The following ANO3 variants were observed in gnomAD, a reference collection of about 807,000 sequenced individuals.
ANO3 encodes anoctamin-3.
ANO3 carries 99 observed loss-of-function variants against 144.8 expected under a neutral mutation model. That is an observed-to-expected ratio of 0.68 (90% confidence interval 0.58 to 0.81). ANO3 has a LOEUF of 0.81. ANO3 is among the 30% of genes least tolerant of loss of function. The pLI is 0.00. For synonymous variants in ANO3, 414 were observed against 392.6 expected (o/e 1.05, Z -0.64); for missense variants, 905 against 1,202.2 (o/e 0.75, Z 3.66).
At chr11:26,387,166 G>T (rs1856757995) in intron 1 of ANO3, among the ~76,000 whole-genome samples, 2 of 142,642 alleles carry the variant, frequency 1.4e-5, no homozygotes, top group South Asian at 4.4e-4. Flanking sequence ...TAGAGACAGG[G>T]TTTCACCATG....
intron 1 of ANO3, chr11:26,208,045 G>A (rs1851846307): frequency 6.6e-6 from 1 of 152,150 alleles, no homozygotes; most frequent in South Asian, 2.1e-4. Flanking sequence ...CTTATTCATA[G>A]ATGACCCTTC....
intron 1 of ANO3, among the ~76,000 whole-genome samples, chr11:26,302,480 TGA>T (rs1204845302): frequency 6.6e-6 from 1 of 152,006 alleles, no homozygotes; most frequent in African/African-American, 2.4e-5. Flanking sequence ...GGCAACAGAG[TGA>T]GACTCTGTCT....
chr11:26,407,077 T>TATATATA (rs1857308178), intron 1 of ANO3, among the ~76,000 whole-genome samples: 2 of 101,780 alleles, frequency 2.0e-5, no homozygotes, highest in Admixed American at 2.1e-4. Context: ...TGTGTGTGTG[T>TATATATA]ATATATATAT....
At chr11:26,215,422 G>A (rs1448314748) in intron 1 of ANO3, among the ~76,000 whole-genome samples, 1 of 151,910 alleles carries the variant, frequency 6.6e-6, no homozygotes, top group Non-Finnish European at 1.5e-5. Context: ...TGGCTCCGTT[G>A]TCCCTTTGAA....
At chr11:26,307,909 C>T (rs1179398566), upstream of ANO3, among the ~76,000 whole-genome samples, 1 of 151,968 alleles carries the variant, frequency 6.6e-6, no homozygotes, top group African/African-American at 2.4e-5. Context: ...TTTTCCTCTC[C>T]TTCATCTCAC....
intron 1 of ANO3, among the ~76,000 whole-genome samples, chr11:26,284,936 A>G (rs1032692617): frequency 2.0e-5 from 3 of 152,114 alleles, no homozygotes; most frequent in Admixed American, 6.5e-5. Context: ...TATTTTGAAT[A>G]CTCATCTTTC....
chr11:26,310,115 G>A (rs1453578905), intron 1 of ANO3, among the ~76,000 whole-genome samples: 1 of 151,920 alleles, frequency 6.6e-6, no homozygotes, highest in East Asian at 1.9e-4. Flanking sequence ...TTTTAAAAAA[G>A]GTAATGTAGA....
chr11:26,496,273 A>G (rs1860936299), intron 4 of ANO3, among the ~76,000 whole-genome samples: 1 of 152,194 alleles, frequency 6.6e-6, no homozygotes, highest in South Asian at 2.1e-4. Flanking sequence ...GAGTATCTTA[A>G]TATTTCAAGA....
At chr11:26,484,605 G>A (rs1282767197) in intron 4 of ANO3, among the ~76,000 whole-genome samples, 1 of 152,192 alleles carries the variant, frequency 6.6e-6, no homozygotes, top group Non-Finnish European at 1.5e-5. Context: ...TGTGGGGTTG[G>A]AGCCCCCACA....
At chr11:26,436,062 G>A (rs1313724970) in intron 1 of ANO3, among the ~76,000 whole-genome samples, 2 of 152,182 alleles carry the variant, frequency 1.3e-5, no homozygotes, top group Non-Finnish European at 2.9e-5. Flanking sequence ...CAATGGTCAT[G>A]TGGGGGCAGG....
intron 14 of ANO3, among the ~76,000 whole-genome samples, chr11:26,561,498 C>G (rs969919935): frequency 1.3e-5 from 2 of 151,922 alleles, no homozygotes; most frequent in East Asian, 3.9e-4. Flanking sequence ...TATATCAATA[C>G]CTTGCATAAA....
intron 1 of ANO3, among the ~76,000 whole-genome samples, chr11:26,397,741 T>C (rs983920843): frequency 6.6e-6 from 1 of 152,032 alleles, no homozygotes; most frequent in Non-Finnish European, 1.5e-5. Context: ...AACTGCAAAA[T>C]ATAAAAATGC....
At chr11:26,622,239 C>G (rs1242558879) in intron 17 of ANO3, among the ~76,000 whole-genome samples, 1 of 151,944 alleles carries the variant, frequency 6.6e-6, no homozygotes, top group Non-Finnish European at 1.5e-5. Context: ...GTTATTGTAA[C>G]CCCCCTAATG....
At chr11:26,221,342 C>T (rs1852139659) in intron 1 of ANO3, among the ~76,000 whole-genome samples, 1 of 152,106 alleles carries the variant, frequency 6.6e-6, no homozygotes, top group Non-Finnish European at 1.5e-5. Flanking sequence ...AAGGAAGTCT[C>T]GTATAAATTA....
chr11:26,638,005 C>G (rs1853019378), intron 20 of ANO3, among the ~76,000 whole-genome samples: 1 of 152,082 alleles, frequency 6.6e-6, no homozygotes, highest in Non-Finnish European at 1.5e-5. Flanking sequence ...GTATGGGTCT[C>G]TAATACTAAC....
intron 22 of ANO3, among the ~76,000 whole-genome samples, chr11:26,642,454 C>A (rs1207431514): frequency 6.9e-6 from 1 of 145,814 alleles, no homozygotes; most frequent in African/African-American, 2.5e-5. Flanking sequence ...TGGGTTCAAG[C>A]GATTCTCCTA....
At chr11:26,545,367 C>T (rs1590499949) in intron 11 of ANO3, among the ~76,000 whole-genome samples, 1 of 152,042 alleles carries the variant, frequency 6.6e-6, no homozygotes, top group Non-Finnish European at 1.5e-5. Context: ...ATATAAATAA[C>T]CATTTCTGGA....
At chr11:26,281,020 T>G (rs1170194122) in intron 1 of ANO3, among the ~76,000 whole-genome samples, 2 of 152,194 alleles carry the variant, frequency 1.3e-5, no homozygotes, top group African/African-American at 4.8e-5. Flanking sequence ...TTTTATCCCC[T>G]GCATTGGCAC....
intron 1 of ANO3, among the ~76,000 whole-genome samples, chr11:26,431,773 C>A (rs141255611): frequency 6.6e-6 from 1 of 152,186 alleles, no homozygotes; most frequent in East Asian, 1.9e-4. Flanking sequence ...GTATATGTAC[C>A]ACATTTTACA....
Sources: gnomAD v4.1 joint callset for allele counts (sites outside exome capture counted in the v4.1 genomes callset) on GRCh38, gnomAD v4.1.1 for gene constraint, MANE v1.5 for transcripts, NCBI Gene and HGNC (gene_info 2026-07-23, HGNC 2026-07-21) for gene names.